TMPRSS15: variants seen among roughly 807,000 people sequenced by gnomAD.
The protein encoded by TMPRSS15 is enteropeptidase.
TMPRSS15 carries 128 observed loss-of-function variants against 125.3 expected under a neutral mutation model. The ratio of observed to expected loss-of-function variants is 1.02; its 90% confidence interval spans 0.89 to 1.18. The LOEUF (loss-of-function observed/expected upper bound fraction) is 1.18, where lower values mean the gene tolerates loss of function less well. Ranked by LOEUF, TMPRSS15 falls within the 50% of genes most tolerant of loss-of-function variation. The pLI, the probability that TMPRSS15 is intolerant of heterozygous loss-of-function variation, is 0.00. For missense variants in TMPRSS15, 1,283 were observed against 1,212.7 expected, an observed-to-expected ratio of 1.06 and a Z score of -0.86; for synonymous variants, 446 against 423.2, an observed-to-expected ratio of 1.05 and a Z score of -0.66.
At chr21:18,283,980 G>T (rs73320160) in intron 21 of TMPRSS15, among the ~76,000 whole-genome samples, 1 of 152,032 alleles carries the variant, frequency 6.6e-6, no homozygotes, top group South Asian at 2.1e-4. Context: ...TTAAATATAC[G>T]TGCTTCAAGC....
chr21:18,279,106 A>G (rs1305385749), intron 22 of TMPRSS15, 47 bp from the exon 23 acceptor site: 1 of 994,622 alleles, frequency 1.0e-6, no homozygotes, highest in Non-Finnish European at 1.6e-6. Context: ...AGAAAAAGAA[A>G]GAACAGATTT....
chr21:18,425,928 T>G (rs1338919663), intron 1 of TMPRSS15, among the ~76,000 whole-genome samples: 1 of 152,124 alleles, frequency 6.6e-6, no homozygotes. Flanking sequence ...TAGAAAAACA[T>G]TAACATTGAT....
chr21:18,464,340 CA>C (rs2122954531), intron 1 of TMPRSS15, among the ~76,000 whole-genome samples: 1 of 151,854 alleles, frequency 6.6e-6, no homozygotes, highest in African/African-American at 2.4e-5. Context: ...CCTAACATCA[CA>C]ATTAAAAGAA....
intron 1 of TMPRSS15, among the ~76,000 whole-genome samples, chr21:18,418,107 A>G (rs2076184276): frequency 6.6e-6 from 1 of 152,130 alleles, no homozygotes; most frequent in African/African-American, 2.4e-5. Flanking sequence ...TCTTTCTGTC[A>G]TGTCCAATTA....
intron 18 of TMPRSS15, among the ~76,000 whole-genome samples, chr21:18,302,960 T>C (rs1296457065): frequency 1.3e-5 from 2 of 152,206 alleles, no homozygotes; most frequent in Non-Finnish European, 2.9e-5. Flanking sequence ...CACACACCTC[T>C]ACATTTCTTA....
intron 3 of TMPRSS15, among the ~76,000 whole-genome samples, chr21:18,384,675 T>A (rs2075926215): frequency 6.6e-6 from 1 of 152,186 alleles, no homozygotes; most frequent in Admixed American, 6.5e-5. Context: ...CTCTGATATT[T>A]ATTCTATACC....
In TMPRSS15 at chr21:18,457,589, T is replaced by C. The variant is rs145807835; in HGVS notation, c.10+28210A>G. Among the ~76,000 whole-genome samples, 84 of 152,256 alleles carry C rather than the reference T, an allele frequency of 5.5e-4. No individual in the cohort carries two copies. In the Middle Eastern group the frequency reaches 0.017, roughly 31 times the overall value. ...ATTTGTGAAAGTAACAATCTTATAG[T>C]AGTTATTAATAATGCAATAGAGTTT... On this transcript the variant is annotated intron_variant, in intron 1 of 7. Coordinates refer to the TMPRSS15 transcript ENST00000422787.
intron 18 of TMPRSS15, among the ~76,000 whole-genome samples, chr21:18,298,321 G>A (rs2074929879): frequency 6.6e-6 from 1 of 152,110 alleles, no homozygotes; most frequent in Non-Finnish European, 1.5e-5. Flanking sequence ...TATCTTCAGT[G>A]TTTAATTTTG....
rs776593478 is a variant in TMPRSS15 at position 18,397,906 on chromosome 21, T to C, written c.317A>G (p.Tyr106Cys). ...AAATTGTAAAACTCTTGAGTTCTTA[T>C]ATTCATTCTTCAGATTGCTTGATAG... ...IFLSSNLKNE[Y>C]KNSRVLQFEN... The change falls in exon 3 of 25, where the codon TAT (tyrosine) becomes TGT (cysteine). Residue 106 changes from tyrosine to cysteine, a missense_variant. Transcript: ENST00000284885. 15 of 1,553,318 alleles carry C rather than the reference T, an allele frequency of 9.7e-6. No homozygotes were observed. In the South Asian group the frequency reaches 1.3e-4, roughly 13 times the overall value.
intron 1 of TMPRSS15, among the ~76,000 whole-genome samples, chr21:18,462,722 G>T (rs1219938795): frequency 6.6e-6 from 1 of 151,876 alleles, no homozygotes; most frequent in Non-Finnish European, 1.5e-5. Context: ...TAAAGAGTTT[G>T]GTTTGTAGAG....
At chr21:18,440,258 A>C (rs1392665689) in intron 1 of TMPRSS15, among the ~76,000 whole-genome samples, 1 of 149,462 alleles carries the variant, frequency 6.7e-6, no homozygotes, top group Non-Finnish European at 1.5e-5. Flanking sequence ...CTGTAGTCCC[A>C]GCTACACGGG....
rs1243356848 is a variant in TMPRSS15 at position 18,363,083 on chromosome 21, A to G, written c.773+2057T>C. Among the ~76,000 whole-genome samples, 3 of 152,302 alleles carry G rather than the reference A, an allele frequency of 2.0e-5. No individual in the cohort carries two copies. The East Asian group carries it at 5.8e-4, about 29-fold the overall frequency. On this transcript the variant is annotated intron_variant, in intron 7 of 24. Coordinates refer to ENST00000284885, the MANE Select transcript of TMPRSS15 (RefSeq NM_002772.3). ...CTATATTTAATTGATCTTAAACCTT[A>G]TAGAAAAATTATTGTCTTTAGTCTC...
intron 18 of TMPRSS15, among the ~76,000 whole-genome samples, chr21:18,299,021 G>A (rs1053175245): frequency 2.0e-4 from 31 of 152,188 alleles, no homozygotes; most frequent in African/African-American, 6.8e-4. Flanking sequence ...TAATGTTCCA[G>A]AATTTAAATC....
chr21:18,341,235 T>C (rs1322088739), intron 13 of TMPRSS15, among the ~76,000 whole-genome samples, 178 bp downstream of exon 13: 1 of 152,074 alleles, frequency 6.6e-6, no homozygotes, highest in Admixed American at 6.5e-5. Flanking sequence ...CTAATTTGTG[T>C]TTGTTTGTTT....
intron 7 of TMPRSS15, among the ~76,000 whole-genome samples, chr21:18,362,550 T>C (rs181473877): frequency 1.3e-5 from 2 of 152,142 alleles, no homozygotes; most frequent in African/African-American, 4.8e-5. Context: ...ACCACAGGGA[T>C]TTATAAAAGT....
chr21:18,462,024 T>A (rs910453058), intron 1 of TMPRSS15, among the ~76,000 whole-genome samples: 2 of 152,174 alleles, frequency 1.3e-5, no homozygotes, highest in African/African-American at 4.8e-5. Flanking sequence ...ATGATTATGA[T>A]GTGACTTCAA....
upstream of TMPRSS15, among the ~76,000 whole-genome samples, chr21:18,404,171 T>C (rs1017625416): frequency 6.6e-6 from 1 of 152,234 alleles, no homozygotes; most frequent in Non-Finnish European, 1.5e-5. Context: ...ACTCTCTCTG[T>C]GTACATATAC....
At chr21:18,328,048 A>C (rs2075310419) in intron 15 of TMPRSS15, among the ~76,000 whole-genome samples, 1 of 152,124 alleles carries the variant, frequency 6.6e-6, no homozygotes, top group Non-Finnish European at 1.5e-5. Flanking sequence ...GCGAGGCTCC[A>C]TCTCAACAAC....
intron 1 of TMPRSS15, among the ~76,000 whole-genome samples, chr21:18,424,828 G>A (rs1355597286): frequency 6.7e-6 from 1 of 149,990 alleles, no homozygotes; most frequent in Non-Finnish European, 1.5e-5. Flanking sequence ...GTGTTTTCTT[G>A]ATGTAAATAT....
Sources: gnomAD v4.1 joint callset for allele counts (sites outside exome capture counted in the v4.1 genomes callset) on GRCh38, gnomAD v4.1.1 for gene constraint, MANE v1.5 for transcripts, NCBI Gene and HGNC (gene_info 2026-07-23, HGNC 2026-07-21) for gene names.